The following DIO2 variants were observed in gnomAD, a reference collection of about 807,000 sequenced individuals.
DIO2 encodes iodothyronine deiodinase 2.
A neutral mutation model predicts 21.4 loss-of-function variants in DIO2; 19 were observed. The ratio of observed to expected loss-of-function variants is 0.89; its 90% CI spans 0.62 to 1.30. DIO2 has a LOEUF of 1.30. DIO2 is among the 50% of genes most tolerant of loss of function. The pLI, the probability that DIO2 is intolerant of heterozygous loss-of-function variation, is 0.00. For synonymous variants in DIO2, 122 were observed against 132.9 expected (o/e 0.92, Z 0.57); for missense variants, 302 against 338.1 (o/e 0.89, Z 0.84).
upstream of DIO2, chr14:80,211,607 A>C (rs1888204995): frequency 1.5e-6 from 1 of 645,694 alleles, no homozygotes; most frequent in Non-Finnish European, 2.6e-6. Flanking sequence ...GGGGAAAAAA[A>C]ACTAAATTAA....
At chr14:80,213,362 G>A (rs1268932290), upstream of DIO2, among the ~76,000 whole-genome samples, 5 of 152,182 alleles carry the variant, frequency 3.3e-5, no homozygotes, top group Non-Finnish European at 5.9e-5. Flanking sequence ...CTAAGCAGTA[G>A]GTGCAAGCTT....
At position 80,198,305 on chromosome 14, in the gene DIO2, G is replaced by T. The variant is rs1042630548; in HGVS notation, c.*4384C>A. On this transcript the variant is annotated 3_prime_UTR_variant, in exon 2 of 2. Coordinates refer to ENST00000438257, the MANE Select transcript of DIO2 (RefSeq NM_013989.5). ...CGACTTGCATGAGCAGTCTTGTTTG[G>T]ATATCTGCACATGTTTGCTTTCTAT... 6.6e-6 allele frequency: 1 copy of T among 152,634 alleles called. No individual in the cohort carries two copies. The highest frequency in any genetic ancestry group is 2.4e-5 in the African/African-American group (1 of 41,428). The allele number at this position is 152,634 out of a possible 1,614,324, so 9.5% of individuals were successfully genotyped here.
chr14:80,206,497 G>T (rs2140001825), intron 1 of DIO2, among the ~76,000 whole-genome samples: 1 of 151,992 alleles, frequency 6.6e-6, no homozygotes, highest in Non-Finnish European at 1.5e-5. Context: ...AGAACTTCTT[G>T]GTTTGCTGGG....
chr14:80,201,033 C>T lies in DIO2; in HGVS notation c.*1656G>A, dbSNP rs1860671438. ...ATATACTATGATTTCATAATAGTCT[C>T]ATATTTACCAAAAAGAAATTATGAT... is the stretch of plus-strand genomic sequence containing the variant. On this transcript the variant is annotated 3_prime_UTR_variant, in exon 2 of 2. Transcript: ENST00000438257. 1 of 151,874 alleles carries T rather than the reference C, an allele frequency of 6.6e-6. No homozygotes were observed. The allele number at this position is 151,874 out of a possible 1,614,324, so 9.4% of individuals were successfully genotyped here.
intron 1 of DIO2, chr14:80,205,506 T>C: frequency 2.2e-6 from 2 of 889,380 alleles, no homozygotes; most frequent in Non-Finnish European, 2.9e-6. Flanking sequence ...AACCCCCTGA[T>C]TCATCCGAGC....
At position 80,201,195 on chromosome 14, in the gene DIO2, A is replaced by C. The variant is rs1411323109; in HGVS notation, c.*1494T>G. The stretch of plus-strand genomic sequence containing the variant: ...TAAAATAGCATTATAATCATATACT[A>C]TAGGGACTTTAGATTACTAAACCTC... On this transcript the variant is annotated 3_prime_UTR_variant, in exon 2 of 2. Transcript: ENST00000438257. 1 of 151,822 alleles carries C rather than the reference A, an allele frequency of 6.6e-6. No homozygotes were observed. The highest frequency in any genetic ancestry group is 1.5e-5 in the Non-Finnish European group (1 of 67,962). The allele number at this position is 151,822 out of a possible 1,614,324, so 9.4% of individuals were successfully genotyped here.
intron 1 of DIO2, chr14:80,205,492 C>T: frequency 6.8e-6 from 5 of 738,398 alleles, no homozygotes; most frequent in Non-Finnish European, 9.2e-6. Flanking sequence ...ACAAATGCGC[C>T]TCTAACCCCC....
At chr14:80,217,915 T>C (rs1180762451) in intron 2 of DIO2, among the ~76,000 whole-genome samples, 1 of 152,254 alleles carries the variant, frequency 6.6e-6, no homozygotes, top group Non-Finnish European at 1.5e-5. Flanking sequence ...TGTCACGTTC[T>C]GGTGGACTTC....
intron 1 of DIO2, chr14:80,206,409 G>T: frequency 3.7e-6 from 3 of 802,400 alleles, no homozygotes; most frequent in Admixed American, 6.2e-5. Context: ...TATTCTAAAA[G>T]GATATTACTG....
chr14:80,198,796 C>A lies in DIO2; in HGVS notation c.*3893G>T, dbSNP rs936939074. ...GAAAAAAAAAAAAAAAAAAAAACCTCCTAAAATTAAAAGCCTTACTTGCAG... is the reference window on the plus strand; with the variant it reads ...GAAAAAAAAAAAAAAAAAAAAACCTACTAAAATTAAAAGCCTTACTTGCAG... On this transcript the variant is annotated 3_prime_UTR_variant, in exon 2 of 2. Coordinates refer to ENST00000438257, the MANE Select transcript of DIO2 (RefSeq NM_013989.5). The A allele has an allele frequency of 5.3e-5, 8 of 150,300 alleles. No homozygotes were observed. The highest frequency in any genetic ancestry group is 1.9e-4 in the African/African-American group (8 of 41,098). 9.3% of individuals were successfully genotyped at this position (150,300 alleles called of 1,614,324 possible). A position where few individuals can be genotyped will look rare whatever the true frequency, so the allele number is the denominator to read the frequency against.
chr14:80,229,882 C>T (rs999469777), intron 2 of DIO2, among the ~76,000 whole-genome samples: 1 of 152,230 alleles, frequency 6.6e-6, no homozygotes, highest in South Asian at 2.1e-4. Context: ...AATTAAAGAA[C>T]TCAAACAGTT....
intron 1 of DIO2, among the ~76,000 whole-genome samples, chr14:80,207,281 A>C (rs550752379): frequency 2.8e-4 from 43 of 152,338 alleles, no homozygotes; most frequent in Admixed American, 2.3e-3. Flanking sequence ...TTCAGTGTTC[A>C]GTGCATGGGG....
upstream of DIO2, among the ~76,000 whole-genome samples, chr14:80,215,665 T>G (rs1888333874): frequency 6.6e-6 from 1 of 152,228 alleles, no homozygotes; most frequent in Non-Finnish European, 1.5e-5. Flanking sequence ...AAACACATTA[T>G]AAATCCAAAA....
chr14:80,224,542 CAAT>C (rs1156955192), intron 2 of DIO2, among the ~76,000 whole-genome samples: 1 of 142,068 alleles, frequency 7.0e-6, no homozygotes, highest in Non-Finnish European at 1.6e-5. Flanking sequence ...CACAAGACAA[CAAT>C]GAGAAGATGG....
intron 1 of DIO2, among the ~76,000 whole-genome samples, chr14:80,204,072 G>T (rs1489102882): frequency 6.6e-6 from 1 of 152,014 alleles, no homozygotes; most frequent in Non-Finnish European, 1.5e-5. Flanking sequence ...GGGCAATTCT[G>T]TGTTTGTTTT....
rs752191150 is a variant in DIO2 at position 80,202,292 on chromosome 14, G to C, written c.*397C>G. On this transcript the variant is annotated 3_prime_UTR_variant, in exon 2 of 2. Transcript: ENST00000438257. ...CTCCATCCATGCCAAATAGAGCCAA[G>C]GCAATACCCTTTATCTTAACGTAGA... 1 of 523,144 alleles carries C rather than the reference G, an allele frequency of 1.9e-6. No individual in the cohort carries two copies. The highest frequency in any genetic ancestry group is 3.8e-6 in the Non-Finnish European group (1 of 263,034). The allele number at this position is 523,144 out of a possible 1,614,324, so 32.4% of individuals were successfully genotyped here.
rs1010299367 is a variant in DIO2, at chr14:80,202,672, C to A, written c.*17G>T. On this transcript the variant is annotated 3_prime_UTR_variant, in exon 2 of 2. Transcript: ENST00000438257. ...ATATAACTTTTTAAAACAATAAGCT[C>A]TCTTATAATCATACCTTTAACCAGC... 6.3e-7 allele frequency: 1 copy of A among 1,589,342 alleles called. No homozygotes were observed. Among genetic ancestry groups the A allele is most frequent in the African/African-American group, 1.3e-5 (1 of 74,250 alleles).
intron 2 of DIO2, among the ~76,000 whole-genome samples, chr14:80,229,990 G>T (rs573745096): frequency 6.2e-4 from 95 of 152,300 alleles, no homozygotes; most frequent in Middle Eastern, 3.4e-3. Flanking sequence ...GCAAACAGGG[G>T]TGTTGGGGGT....
intron 2 of DIO2, among the ~76,000 whole-genome samples, chr14:80,230,270 T>C (rs1394450709): frequency 6.6e-6 from 1 of 152,158 alleles, no homozygotes; most frequent in Non-Finnish European, 1.5e-5. Context: ...GGTCCCATTC[T>C]TTTCCAGTCA....
Sources: allele counts gnomAD v4.1 joint callset (sites outside exome capture counted in the v4.1 genomes callset), GRCh38; gene constraint gnomAD v4.1.1; transcripts MANE v1.5; gene names NCBI Gene and HGNC (gene_info 2026-07-23, HGNC 2026-07-21).